The following RDX variants were observed in gnomAD, a reference collection of about 807,000 sequenced individuals.
RDX encodes the protein deafness, autosomal recessive 24.
A neutral mutation model predicts 83.7 loss-of-function variants in RDX; 32 were observed. That is an observed-to-expected ratio of 0.38 (90% CI 0.29 to 0.51). RDX has a LOEUF of 0.51. RDX is among the 20% of genes least tolerant of loss of function. The probability of loss-of-function intolerance (pLI) is 0.87; values close to 1 mark genes in which losing one functional copy is unlikely to be tolerated. For missense variants in RDX, 600 were observed against 689.9 expected, an observed-to-expected ratio of 0.87 and a Z score of 1.46; for synonymous variants, 229 against 222.7, an observed-to-expected ratio of 1.03 and a Z score of -0.25.
At chr11:110,254,568 C>G (rs1240860618) in intron 8 of RDX, among the ~76,000 whole-genome samples, 1 of 151,846 alleles carries the variant, frequency 6.6e-6, no homozygotes, top group Admixed American at 6.6e-5. Context: ...CTCTGCCTCC[C>G]GGGTTCAAGA....
At chr11:110,250,430 C>T (rs1859283549) in intron 9 of RDX, among the ~76,000 whole-genome samples, 1 of 152,192 alleles carries the variant, frequency 6.6e-6, no homozygotes, top group Non-Finnish European at 1.5e-5. Flanking sequence ...CTACCTCCCT[C>T]CCTCCTTTCC....
At chr11:110,242,488 C>T (rs1031568950) in intron 10 of RDX, among the ~76,000 whole-genome samples, 3 of 148,442 alleles carry the variant, frequency 2.0e-5, no homozygotes, top group African/African-American at 7.4e-5. Flanking sequence ...AACCTCAATG[C>T]TTTATTTTCT....
intron 15 of RDX, among the ~76,000 whole-genome samples, chr11:110,176,088 C>CT (rs11452453): frequency 0.23 from 32,847 of 143,028 alleles, 3,933 homozygotes; most frequent in East Asian, 0.32. Flanking sequence ...TTCTTTTTTT[C>CT]TTTTTTTTTT....
chr11:110,251,960 C>T (rs1295621974), intron 9 of RDX, among the ~76,000 whole-genome samples: 1 of 152,174 alleles, frequency 6.6e-6, no homozygotes, highest in Non-Finnish European at 1.5e-5. Flanking sequence ...TACCTCTGGG[C>T]ATTCTCCCAG....
chr11:110,263,092 T>C (rs1008605052), intron 5 of RDX, among the ~76,000 whole-genome samples: 5 of 152,028 alleles, frequency 3.3e-5, no homozygotes, highest in African/African-American at 7.3e-5. Flanking sequence ...CTGGCCAACA[T>C]AGTGATACCC....
At chr11:110,175,670 C>T (rs1423115284) in intron 15 of RDX, among the ~76,000 whole-genome samples, 1 of 152,156 alleles carries the variant, frequency 6.6e-6, no homozygotes, top group Non-Finnish European at 1.5e-5. Flanking sequence ...CTTCAAAGCC[C>T]TCTCCCCACT....
chr11:110,224,014 A>C (rs1864347457), intron 14 of RDX, among the ~76,000 whole-genome samples: 1 of 152,092 alleles, frequency 6.6e-6, no homozygotes, highest in Non-Finnish European at 1.5e-5. Flanking sequence ...AACAAGAGTG[A>C]AACTCCATCT....
At chr11:110,287,549 T>G (rs1467330103) in intron 1 of RDX, among the ~76,000 whole-genome samples, 1 of 152,208 alleles carries the variant, frequency 6.6e-6, no homozygotes, top group African/African-American at 2.4e-5. Flanking sequence ...GTTAATAAAT[T>G]TTATGGCAAT....
chr11:110,279,702 CTTTT>C lies in RDX; in HGVS notation c.-14_-11del, dbSNP rs760376242. The C allele has an allele frequency of 2.6e-6, 4 of 1,521,960 alleles. No individual in the cohort carries two copies. Among genetic ancestry groups the C allele is most frequent in the East Asian group, 4.5e-5 (2 of 44,268 alleles). The allele number at this position is 1,521,960 out of a possible 1,614,324, so 94.3% of individuals were successfully genotyped here. On this transcript the variant is annotated 5_prime_UTR_variant, in exon 2 of 14. Transcript: ENST00000645495. ...TTACTGGTTTCGGCATTTTCTTTCT[CTTTT>C]TGTTACCTTCTTTAAAAATTCTCCA...
Position 110,231,760 on chromosome 11 carries a change from G to C in RDX, c.*109C>G. ...GTCTTTTAGCTAGCACAGTCAAACTGGTGTAAGTGCTTTGGCAAGGTGGGA... is the reference window on the plus strand; with the variant it reads ...GTCTTTTAGCTAGCACAGTCAAACTCGTGTAAGTGCTTTGGCAAGGTGGGA... On this transcript the variant is annotated 3_prime_UTR_variant, in exon 14 of 14. Transcript: ENST00000645495. 4 of 1,184,110 alleles carry C rather than the reference G, an allele frequency of 3.4e-6. No individual in the cohort carries two copies. The East Asian group carries it at 9.3e-5, about 28-fold the overall frequency. 73.4% of individuals were successfully genotyped at this position (1,184,110 alleles called of 1,614,324 possible).
At chr11:110,287,867 G>A (rs745374918) in intron 1 of RDX, among the ~76,000 whole-genome samples, 7 of 152,136 alleles carry the variant, frequency 4.6e-5, no homozygotes, top group Non-Finnish European at 1.0e-4. Flanking sequence ...CAAGACATAA[G>A]TCCTTTAAAA....
chr11:110,291,391 G>T (rs548600115), intron 1 of RDX, among the ~76,000 whole-genome samples: 1 of 152,148 alleles, frequency 6.6e-6, no homozygotes, highest in African/African-American at 2.4e-5. Flanking sequence ...AAAGAAAAAA[G>T]AAGTATCTAT....
At chr11:110,209,742 C>T (rs6589120) in intron 14 of RDX, among the ~76,000 whole-genome samples, 92,811 of 136,618 alleles carry the variant, frequency 0.68, 32,000 homozygotes, top group African/African-American at 0.82. Flanking sequence ...ACACCTCACA[C>T]AGCAGGGTAC....
chr11:110,288,671 T>C (rs1591188693), intron 1 of RDX, among the ~76,000 whole-genome samples: 1 of 152,312 alleles, frequency 6.6e-6, no homozygotes, highest in South Asian at 2.1e-4. Flanking sequence ...CGAGGCTATA[T>C]GGCAGTTCTA....
At chr11:110,290,981 T>C (rs1861217999) in intron 1 of RDX, among the ~76,000 whole-genome samples, 1 of 152,150 alleles carries the variant, frequency 6.6e-6, no homozygotes, top group South Asian at 2.1e-4. Context: ...CTGTAATGGA[T>C]CAATTTTGGA....
At chr11:110,211,223 G>C (rs1267217870) in intron 14 of RDX, among the ~76,000 whole-genome samples, 1 of 152,142 alleles carries the variant, frequency 6.6e-6, no homozygotes, top group Non-Finnish European at 1.5e-5. Context: ...AACCAACAAA[G>C]ATCAAAAGAG....
chr11:110,208,243 G>C (rs1284911535), intron 14 of RDX, among the ~76,000 whole-genome samples: 1 of 152,118 alleles, frequency 6.6e-6, no homozygotes, highest in East Asian at 1.9e-4. Flanking sequence ...GAATTGACTG[G>C]TACATTTCAA....
rs937776364 is a variant in RDX, at chr11:110,210,937, C to T, written c.1749-11259G>A. On this transcript the variant is annotated intron_variant, in intron 14 of 15. Transcript: ENST00000528498. ...ACTAGGAAGAAACTGCATCAACTAACGAGCAAAATAACCAGCTAACATCAT... is the reference window on the plus strand; with the variant it reads ...ACTAGGAAGAAACTGCATCAACTAATGAGCAAAATAACCAGCTAACATCAT... Among the ~76,000 whole-genome samples, 46 of 151,692 alleles carry T rather than the reference C, an allele frequency of 3.0e-4. No homozygotes were observed. The East Asian group carries it at 4.1e-3, about 13-fold the overall frequency.
Position 110,187,033 on chromosome 11 carries a change from G to A in RDX, c.*32-11799C>T, listed in dbSNP as rs144435559. 2.3e-3 allele frequency among the ~76,000 whole-genome samples: 347 copies of A among 152,192 alleles called. 1 individual carries two copies. Among genetic ancestry groups the A allele is most frequent in the Non-Finnish European group, 4.1e-3 (279 of 68,040 alleles). On this transcript the variant is annotated intron_variant, in intron 15 of 15. Transcript: ENST00000528498. Reference sequence around the variant, plus strand: ...CTCTGTCACAGGCCTGGAGTGGGAGGAGGGCTGCCACGGCCACAGTTTCTC... The same window carrying A: ...CTCTGTCACAGGCCTGGAGTGGGAGAAGGGCTGCCACGGCCACAGTTTCTC...
Sources: allele counts gnomAD v4.1 joint callset (sites outside exome capture counted in the v4.1 genomes callset), GRCh38; gene constraint gnomAD v4.1.1; transcripts MANE v1.5; gene names NCBI Gene and HGNC (gene_info 2026-07-23, HGNC 2026-07-21).